The following DPY19L3 variants were observed in gnomAD, a reference collection of about 807,000 sequenced individuals.
DPY19L3 encodes protein C-mannosyl-transferase DPY19L3.
Under a neutral mutation model 92.3 loss-of-function variants are expected in DPY19L3, and 51 were observed. The observed-to-expected ratio is 0.55, with a 90% CI of 0.44 to 0.70. The LOEUF (loss-of-function observed/expected upper bound fraction) is 0.70. DPY19L3 is among the 30% of genes least tolerant of loss of function. The pLI is 0.00. For missense variants in DPY19L3, 706 were observed against 855.9 expected (o/e 0.82, Z 2.18); for synonymous variants, 309 against 315.2 (o/e 0.98, Z 0.21).
chr19:32,482,245 G>T lies in DPY19L3; in HGVS notation c.*5G>T. On this transcript the variant is annotated 3_prime_UTR_variant, in exon 19 of 19. Coordinates refer to ENST00000392250, the MANE Select transcript of DPY19L3 (RefSeq NM_001172774.2). ...AAGCTGTCCAGAAACAAGTAGCGCA[G>T]ATTTCTGCCCAGTGTCTATTTTTGA... 1 of 1,609,194 alleles carries T rather than the reference G, an allele frequency of 6.2e-7. No individual in the cohort carries two copies.
chr19:32,407,563 C>T (rs1320598449), intron 1 of DPY19L3, among the ~76,000 whole-genome samples: 3 of 152,138 alleles, frequency 2.0e-5, no homozygotes, highest in Admixed American at 6.5e-5. Context: ...AGTTACGTGA[C>T]GCATTGCGTG....
chr19:32,457,301 A>T lies in DPY19L3; in HGVS notation c.1090-799A>T, dbSNP rs373037516. 7.2e-4 allele frequency among the ~76,000 whole-genome samples: 110 copies of T among 152,282 alleles called. 2 individuals carry two copies. The South Asian group carries it at 0.022, about 31-fold the overall frequency. On this transcript the variant is annotated intron_variant, in intron 10 of 18. Transcript: ENST00000392250. ...AATTATTTTGAGTCTCAGTTCTAGG[A>T]CTGTTAAGATCTCTTCCGAGCAACT...
intron 16 of DPY19L3, among the ~76,000 whole-genome samples, chr19:32,472,531 A>ATTTTTTTTTTTT (rs3038605): frequency 7.4e-6 from 1 of 134,690 alleles, no homozygotes; most frequent in Non-Finnish European, 1.6e-5. Flanking sequence ...AAAAACTTGG[A>ATTTTTTTTTTTT]TTTTTTTTTT....
intron 16 of DPY19L3, among the ~76,000 whole-genome samples, chr19:32,470,178 C>G (rs1359427991): frequency 6.6e-6 from 1 of 152,234 alleles, no homozygotes; most frequent in African/African-American, 2.4e-5. Flanking sequence ...GCTGAGAGCA[C>G]TAAGCGTTGC....
intron 13 of DPY19L3, 96 bp from the exon 14 acceptor site, chr19:32,463,773 C>T (rs1970114996): frequency 1.9e-6 from 2 of 1,079,834 alleles, no homozygotes; most frequent in African/African-American, 1.6e-5. Flanking sequence ...TAAGATTTTG[C>T]CGTCATAGAC....
intron 4 of DPY19L3, among the ~76,000 whole-genome samples, chr19:32,435,598 C>G (rs1969112212): frequency 6.6e-6 from 1 of 152,168 alleles, no homozygotes; most frequent in South Asian, 2.1e-4. Context: ...TAGGAGTCTA[C>G]TTTTTTATAA....
At chr19:32,422,661 C>CACACACACACACACAA (rs879279146) in intron 3 of DPY19L3, among the ~76,000 whole-genome samples, 1 of 151,084 alleles carries the variant, frequency 6.6e-6, no homozygotes, top group Non-Finnish European at 1.5e-5. Context: ...CACACACACA[C>CACACACACACACACAA]GTTTAAAGAT....
Position 32,446,874 on chromosome 19 carries a change from A to G in DPY19L3, c.856-6271A>G, listed in dbSNP as rs144328991. Among the ~76,000 whole-genome samples, 16 of 152,334 alleles carry G rather than the reference A, an allele frequency of 1.1e-4. No homozygotes were observed. The East Asian group carries it at 2.7e-3, about 26-fold the overall frequency. The stretch of plus-strand genomic sequence containing the variant: ...CTTCAACCGACAGAATCTAATGATC[A>G]TTTATAGAAACTCCACCCAGTAACA... On this transcript the variant is annotated intron_variant, in intron 8 of 18. Coordinates refer to ENST00000392250, the MANE Select transcript of DPY19L3 (RefSeq NM_001172774.2).
intron 17 of DPY19L3, 101 bp downstream of exon 17, chr19:32,477,755 A>T: frequency 6.7e-7 from 1 of 1,483,012 alleles, no homozygotes; most frequent in Non-Finnish European, 9.1e-7. Flanking sequence ...ACCCTCCAGC[A>T]TTAGGTTAGG....
chr19:32,418,782 T>C (rs527520509), intron 3 of DPY19L3, among the ~76,000 whole-genome samples: 1 of 152,332 alleles, frequency 6.6e-6, no homozygotes, highest in South Asian at 2.1e-4. Flanking sequence ...TTGAATACTT[T>C]GAAGTAGTTG....
intron 3 of DPY19L3, chr19:32,428,153 G>A (rs894583197): frequency 2.6e-5 from 4 of 151,860 alleles, no homozygotes; most frequent in Non-Finnish European, 5.9e-5. Flanking sequence ...TGTATTTTTA[G>A]TAAAGACGGG....
At chr19:32,450,157 A>G (rs1033428674) in intron 8 of DPY19L3, among the ~76,000 whole-genome samples, 2 of 152,192 alleles carry the variant, frequency 1.3e-5, no homozygotes, top group Non-Finnish European at 2.9e-5. Context: ...ATTAGCTATC[A>G]GAGAAATGCA....
At chr19:32,464,957 T>C (rs1190503137) in intron 15 of DPY19L3, among the ~76,000 whole-genome samples, 173 bp downstream of exon 15, 2 of 152,242 alleles carry the variant, frequency 1.3e-5, no homozygotes, top group Non-Finnish European at 2.9e-5. Flanking sequence ...TTTTCCCAAA[T>C]AGTTTTAACA....
intron 16 of DPY19L3, among the ~76,000 whole-genome samples, chr19:32,473,367 A>G (rs1970411407): frequency 6.6e-6 from 1 of 152,250 alleles, no homozygotes; most frequent in South Asian, 2.1e-4. Flanking sequence ...TTTTTCTATA[A>G]TAGAGAAATG....
chr19:32,468,890 GTTTT>G, intron 16 of DPY19L3, 77 bp downstream of exon 16: 3 of 1,399,650 alleles, frequency 2.1e-6, no homozygotes, highest in Non-Finnish European at 2.9e-6. Flanking sequence ...CGTTTTGGGG[GTTTT>G]TTGTTTGTTT....
At chr19:32,455,965 G>A (rs1414193167) in intron 10 of DPY19L3, among the ~76,000 whole-genome samples, 2 of 151,940 alleles carry the variant, frequency 1.3e-5, no homozygotes, top group Admixed American at 6.6e-5. Flanking sequence ...AGGATAGGAG[G>A]CATCTGCAAA....
In DPY19L3 at chr19:32,484,992, C is replaced by T. The variant is rs1599691100; in HGVS notation, c.*2752C>T. The T allele has an allele frequency of 6.6e-6, 1 of 152,136 alleles. No homozygotes were observed. Among genetic ancestry groups the T allele is most frequent in the East Asian group, 1.9e-4 (1 of 5,180 alleles). 9.4% of individuals were successfully genotyped at this position (152,136 alleles called of 1,614,324 possible). On this transcript the variant is annotated 3_prime_UTR_variant, in exon 19 of 19. Transcript: ENST00000392250. ...TCATAGATTTATTTAAGTACTCATC[C>T]CACCTTTAAAACCTCTAAACTGAGA...
intron 12 of DPY19L3, among the ~76,000 whole-genome samples, chr19:32,460,945 A>G (rs1215050544): frequency 6.6e-6 from 1 of 152,130 alleles, no homozygotes; most frequent in African/African-American, 2.4e-5. Flanking sequence ...GGCTCACTGC[A>G]ACCTCTGCCT....
At chr19:32,467,819 G>A (rs1339637115) in intron 15 of DPY19L3, 1 of 977,570 alleles carries the variant, frequency 1.0e-6, no homozygotes, top group Non-Finnish European at 1.2e-6. Context: ...TTAAGATTTA[G>A]TTAATTGTTG....
Sources: allele counts gnomAD v4.1 joint callset (sites outside exome capture counted in the v4.1 genomes callset), GRCh38; gene constraint gnomAD v4.1.1; transcripts MANE v1.5; gene names NCBI Gene and HGNC (gene_info 2026-07-23, HGNC 2026-07-21).